The following PCDH15 variants were observed in gnomAD, a reference collection of about 807,000 sequenced individuals.
The protein encoded by PCDH15 is protocadherin-15.
PCDH15 carries 129 observed loss-of-function variants against 178.5 expected under a neutral mutation model. That is an observed-to-expected ratio of 0.72 (90% CI 0.63 to 0.84). PCDH15 has a LOEUF of 0.84. Among genes scored for constraint, PCDH15 ranks in the 40% least tolerant of loss-of-function variants. The pLI is 0.00. For synonymous variants in PCDH15, 800 were observed against 732.0 expected (o/e 1.09, Z -1.50); for missense variants, 2,230 against 2,099.9 (o/e 1.06, Z -1.21).
intron 1 of PCDH15, among the ~76,000 whole-genome samples, chr10:54,678,987 G>A (rs145664901): frequency 0.063 from 9,557 of 151,678 alleles, 378 homozygotes; most frequent in South Asian, 0.14. Flanking sequence ...TCAGGAGATC[G>A]AGACCATCTT....
intron 18 of PCDH15, among the ~76,000 whole-genome samples, chr10:54,061,582 T>C (rs998288206): frequency 1.3e-5 from 2 of 152,102 alleles, no homozygotes; most frequent in Non-Finnish European, 2.9e-5. Context: ...GAACCAAGAA[T>C]AATCTGCTTT....
In PCDH15 at chr10:53,882,834, T is replaced by G. The variant is rs185798451; in HGVS notation, c.3502-15977A>C. Among the ~76,000 whole-genome samples the G allele has an allele frequency of 3.0e-4, 45 of 152,302 alleles. 1 individual carries two copies. The highest frequency in any genetic ancestry group is 2.7e-3 in the Admixed American group (41 of 15,300). ...AATTATTAATGTTCTGTATTATGTG[T>G]AAAGATGAAAAATTGTAAAAATGTA... On this transcript the variant is annotated intron_variant, in intron 26 of 37. Transcript: ENST00000644397.
chr10:53,871,057 G>A (rs1490039094), intron 26 of PCDH15, among the ~76,000 whole-genome samples: 2 of 152,050 alleles, frequency 1.3e-5, no homozygotes, highest in Non-Finnish European at 2.9e-5. Context: ...CTCAAGGCCG[G>A]GCGCGGTGGC....
intron 2 of PCDH15, 35 bp downstream of exon 2, chr10:54,664,137 G>A (rs752665119): frequency 1.4e-6 from 2 of 1,479,010 alleles, no homozygotes; most frequent in South Asian, 1.1e-5. Context: ...AAAAATCCTG[G>A]CTCGCTCTAA....
intron 2 of PCDH15, among the ~76,000 whole-genome samples, chr10:55,541,633 C>T (rs1841761659): frequency 6.6e-6 from 1 of 151,810 alleles, no homozygotes; most frequent in Non-Finnish European, 1.5e-5. Flanking sequence ...TACTTTTAAT[C>T]AATATTGTTT....
At chr10:54,811,467 TTTTTA>T (rs1240398511) in intron 3 of PCDH15, among the ~76,000 whole-genome samples, 1 of 152,124 alleles carries the variant, frequency 6.6e-6, no homozygotes, top group Non-Finnish European at 1.5e-5. Flanking sequence ...TAAATAATTT[TTTTTA>T]TTTTATTTTT....
chr10:55,065,603 C>T (rs1405368300), intron 2 of PCDH15, among the ~76,000 whole-genome samples: 1 of 152,010 alleles, frequency 6.6e-6, no homozygotes, highest in African/African-American at 2.4e-5. Context: ...ATACTGTTTC[C>T]TTACCAATGC....
chr10:54,414,631 T>G (rs911210052), intron 3 of PCDH15, among the ~76,000 whole-genome samples: 2 of 152,142 alleles, frequency 1.3e-5, no homozygotes, highest in Admixed American at 6.5e-5. Context: ...ATGAAAATAT[T>G]AACTGATTTA....
upstream of PCDH15, among the ~76,000 whole-genome samples, chr10:54,806,219 C>T (rs992974083): frequency 1.3e-5 from 2 of 152,166 alleles, no homozygotes; most frequent in African/African-American, 4.8e-5. Flanking sequence ...ATTACATACG[C>T]TACCTCTTCA....
chr10:54,033,758 T>G (rs558166916), intron 18 of PCDH15, among the ~76,000 whole-genome samples: 26 of 152,172 alleles, frequency 1.7e-4, no homozygotes, highest in African/African-American at 6.3e-4. Flanking sequence ...GTGGTTTGTT[T>G]TCTGAATAAC....
intron 2 of PCDH15, among the ~76,000 whole-genome samples, chr10:54,558,305 T>C (rs987616754): frequency 7.9e-5 from 12 of 152,162 alleles, no homozygotes; most frequent in African/African-American, 2.7e-4. Context: ...ACTAATTTTA[T>C]TATTTTCTTC....
At chr10:54,725,290 A>G (rs1942313328) in intron 1 of PCDH15, among the ~76,000 whole-genome samples, 1 of 150,890 alleles carries the variant, frequency 6.6e-6, no homozygotes, top group Non-Finnish European at 1.5e-5. Context: ...CATTGAAGAA[A>G]ATGTCCATTT....
At chr10:54,857,222 A>T (rs1444893304) in intron 3 of PCDH15, among the ~76,000 whole-genome samples, 1 of 152,154 alleles carries the variant, frequency 6.6e-6, no homozygotes, top group African/African-American at 2.4e-5. Context: ...GAAGAGTCAT[A>T]AAACCGGTTT....
intron 1 of PCDH15, among the ~76,000 whole-genome samples, chr10:54,776,938 G>T (rs1049945361): frequency 6.6e-6 from 1 of 152,112 alleles, no homozygotes; most frequent in Non-Finnish European, 1.5e-5. Flanking sequence ...ACTAGGGAGT[G>T]CGAAGAAGAG....
chr10:54,101,917 G>A, intron 15 of PCDH15, among the ~76,000 whole-genome samples: 1 of 152,088 alleles, frequency 6.6e-6, no homozygotes, highest in Non-Finnish European at 1.5e-5. Flanking sequence ...GGAGGCTGCA[G>A]TGAGCCATGA....
intron 2 of PCDH15, among the ~76,000 whole-genome samples, chr10:55,582,628 A>ATATATATATATTTTTTTTT (rs780312007): frequency 1.4e-5 from 1 of 69,032 alleles, no homozygotes; most frequent in African/African-American, 6.6e-5. Context: ...ATATATATAT[A>ATATATATATATTTTTTTTT]TTTTTTTTTT....
intron 1 of PCDH15, among the ~76,000 whole-genome samples, chr10:54,677,470 C>A (rs1261469488): frequency 6.6e-6 from 1 of 151,956 alleles, no homozygotes; most frequent in Non-Finnish European, 1.5e-5. Flanking sequence ...AGCGTGTGTG[C>A]ATGGCAGTGT....
At chr10:53,830,868 G>A (rs1014801935) in intron 30 of PCDH15, among the ~76,000 whole-genome samples, 1 of 152,188 alleles carries the variant, frequency 6.6e-6, no homozygotes, top group Non-Finnish European at 1.5e-5. Context: ...GTGATCATTT[G>A]CACAAAGGCA....
chr10:54,400,638 A>G (rs2135469109), intron 3 of PCDH15, among the ~76,000 whole-genome samples: 1 of 152,244 alleles, frequency 6.6e-6, no homozygotes, highest in Admixed American at 6.6e-5. Context: ...CCTGGAAAAG[A>G]CAATAGGAGC....
Sources: allele counts gnomAD v4.1 joint callset (sites outside exome capture counted in the v4.1 genomes callset), GRCh38; gene constraint gnomAD v4.1.1; transcripts MANE v1.5; gene names NCBI Gene and HGNC (gene_info 2026-07-23, HGNC 2026-07-21).